Variants in PBRM1 observed in about 807,000 individuals in gnomAD.
PBRM1 encodes protein polybromo-1.
Under a neutral mutation model 194.5 loss-of-function variants are expected in PBRM1, and 27 were observed. That is an observed-to-expected ratio of 0.14 (90% CI 0.10 to 0.19). The LOEUF (loss-of-function observed/expected upper bound fraction) is 0.19. Among genes scored for constraint, PBRM1 ranks in the 10% least tolerant of loss-of-function variants. PBRM1 has a pLI of 1.00. For missense variants in PBRM1, 1,466 were observed against 2,077.2 expected (o/e 0.71, Z 5.72); for synonymous variants, 655 against 693.2 (o/e 0.94, Z 0.87).
rs750072382 is a variant in PBRM1 at position 52,651,826 on chromosome 3, C to A, written c.646-16G>T. 2.1e-4 allele frequency: 327 copies of A among 1,551,238 alleles called. No individual in the cohort carries two copies. Among genetic ancestry groups the A allele is most frequent in the Middle Eastern group, 5.1e-4 (3 of 5,924 alleles). On this transcript the variant is annotated splice_polypyrimidine_tract_variant and intron_variant, in intron 5 of 29. Coordinates refer to ENST00000296302, the Ensembl canonical transcript of PBRM1. ...CTGGATATTGCTGGAAGACAAAAAA[C>A]CAGGCATGCTCAATAAGTTAAACTA...
chr3:52,603,863 T>C (rs2094165705), intron 16 of PBRM1, 131 bp from the exon 19 acceptor site: 1 of 833,160 alleles, frequency 1.2e-6, no homozygotes, highest in Non-Finnish European at 1.8e-6. Context: ...ATGAAGAGTA[T>C]CTTTCCGAAG....
At chr3:52,558,505 G>C (rs1219506715) in intron 25 of PBRM1, 92 bp from the exon 28 acceptor site, 2 of 1,107,952 alleles carry the variant, frequency 1.8e-6, no homozygotes, top group African/African-American at 3.1e-5. Flanking sequence ...AAAAACACAG[G>C]CAACAGTTCT....
chr3:52,563,836 T>C (rs900227392), intron 23 of PBRM1, among the ~76,000 whole-genome samples: 6 of 151,862 alleles, frequency 4.0e-5, no homozygotes, highest in Admixed American at 1.3e-4. Context: ...TCCACAATTA[T>C]TGGAGTCTAC....
chr3:52,551,905 T>C lies in PBRM1; in HGVS notation c.4610-1088A>G, dbSNP rs150973268. On this transcript the variant is annotated intron_variant, in intron 27 of 29. Coordinates refer to ENST00000296302, the Ensembl canonical transcript of PBRM1. ...TCCTTGTGCCATGCTCAACTCCATATTGTTCCAATTTTAGTGTATGTGCTG... is the reference window on the plus strand; with the variant it reads ...TCCTTGTGCCATGCTCAACTCCATACTGTTCCAATTTTAGTGTATGTGCTG... 12 of 152,352 alleles carry C rather than the reference T, an allele frequency of 7.9e-5. No homozygotes were observed. The East Asian group carries it at 2.3e-3, about 29-fold the overall frequency. The allele number at this position is 152,352 out of a possible 1,614,324, so 9.4% of individuals were successfully genotyped here.
intron 16 of PBRM1, among the ~76,000 whole-genome samples, chr3:52,607,089 T>C (rs547168215): frequency 4.2e-4 from 64 of 152,208 alleles, no homozygotes; most frequent in Non-Finnish European, 1.0e-4. Context: ...ATTGAATTTA[T>C]GAACTAATAT....
At chr3:52,650,293 G>C (rs1334179087) in intron 6 of PBRM1, among the ~76,000 whole-genome samples, 1 of 150,022 alleles carries the variant, frequency 6.7e-6, no homozygotes, top group Non-Finnish European at 1.5e-5. Flanking sequence ...AGTCCAAGAG[G>C]TGGAGGTTTG....
chr3:52,662,275 G>A (rs2153930037), exon 4 of PBRM1: 1 of 1,598,268 alleles, frequency 6.3e-7, no homozygotes, highest in Non-Finnish European at 8.5e-7. Flanking sequence ...AGGAGAATCT[G>A]GCTGTATGTT....
chr3:52,627,541 C>G (rs568757416), intron 12 of PBRM1, among the ~76,000 whole-genome samples, 171 bp from the exon 14 acceptor site: 20 of 152,170 alleles, frequency 1.3e-4, no homozygotes, highest in African/African-American at 4.6e-4. Flanking sequence ...TTAACAAAAG[C>G]CTGCATGACA....
At chr3:52,562,372 C>T (rs564646457) in intron 24 of PBRM1, among the ~76,000 whole-genome samples, 1 of 151,418 alleles carries the variant, frequency 6.6e-6, no homozygotes, top group South Asian at 2.1e-4. Flanking sequence ...ACACGTGATT[C>T]ACTAGTTACT....
chr3:52,622,085 A>G (rs2095300125), intron 13 of PBRM1, among the ~76,000 whole-genome samples: 1 of 151,696 alleles, frequency 6.6e-6, no homozygotes, highest in African/African-American at 2.4e-5. Context: ...CACACATGTA[A>G]TCCCAGCACT....
At chr3:52,621,038 C>T (rs1044083496) in intron 13 of PBRM1, among the ~76,000 whole-genome samples, 2 of 152,152 alleles carry the variant, frequency 1.3e-5, no homozygotes, top group African/African-American at 4.8e-5. Context: ...TTAGGTTGGG[C>T]AGCTGGTATG....
At chr3:52,555,528 TGATAAA>T (rs1171797950) in intron 26 of PBRM1, among the ~76,000 whole-genome samples, 1 of 152,158 alleles carries the variant, frequency 6.6e-6, no homozygotes, top group African/African-American at 2.4e-5. Context: ...TCTAAAAATG[TGATAAA>T]GATAAAACCT....
chr3:52,558,486 A>C (rs2082686109), intron 25 of PBRM1, 73 bp from the exon 28 acceptor site: 2 of 1,291,370 alleles, frequency 1.5e-6, no homozygotes, highest in South Asian at 3.1e-5. Flanking sequence ...TGCATTCAAC[A>C]GGACTAGTAA....
intron 15 of PBRM1, among the ~76,000 whole-genome samples, chr3:52,613,778 C>A (rs2153457892): frequency 6.6e-6 from 1 of 152,046 alleles, no homozygotes; most frequent in Non-Finnish European, 1.5e-5. Flanking sequence ...TCGCTTGAGC[C>A]CAGGAGTTCA....
chr3:52,553,620 G>C (rs1358929424), intron 27 of PBRM1, among the ~76,000 whole-genome samples: 1 of 149,472 alleles, frequency 6.7e-6, no homozygotes, highest in East Asian at 2.0e-4. Flanking sequence ...CTCCTGAGTA[G>C]CTGGGACTAC....
chr3:52,634,393 C>T (rs766850413), intron 11 of PBRM1, among the ~76,000 whole-genome samples: 2 of 146,824 alleles, frequency 1.4e-5, no homozygotes, highest in Non-Finnish European at 3.0e-5. Flanking sequence ...GCCGAGATCA[C>T]GCCACTGCAC....
At chr3:52,588,552 CTTTTTTTTT>C (rs36058575) in intron 18 of PBRM1, among the ~76,000 whole-genome samples, 1 of 110,150 alleles carries the variant, frequency 9.1e-6, no homozygotes. Flanking sequence ...GTATTTCTTT[CTTTTTTTTT>C]TTTTTTTTTT....
chr3:52,661,844 A>C (rs554075866), intron 4 of PBRM1, among the ~76,000 whole-genome samples: 1 of 152,236 alleles, frequency 6.6e-6, no homozygotes, highest in Non-Finnish European at 1.5e-5. Flanking sequence ...GCAATACTGG[A>C]CTAATCCTTG....
At chr3:52,550,036 G>A (rs905029898) in intron 29 of PBRM1, among the ~76,000 whole-genome samples, 1 of 152,122 alleles carries the variant, frequency 6.6e-6, no homozygotes, top group Non-Finnish European at 1.5e-5. Context: ...TGGCTGATAT[G>A]GTGAAACCCC....
Sources: gnomAD v4.1 joint callset for allele counts (sites outside exome capture counted in the v4.1 genomes callset) on GRCh38, gnomAD v4.1.1 for gene constraint, MANE v1.5 for transcripts, NCBI Gene and HGNC (gene_info 2026-07-23, HGNC 2026-07-21) for gene names.